Variants in BRD4 observed in about 807,000 individuals in gnomAD.
The protein encoded by BRD4 is bromodomain containing 4.
Under a neutral mutation model 142.1 loss-of-function variants are expected in BRD4, and 16 were observed. That is an observed-to-expected ratio of 0.11 (90% CI 0.08 to 0.17). BRD4 has a LOEUF of 0.17. Among genes scored for constraint, BRD4 ranks in the 10% least tolerant of loss-of-function variants. BRD4 has a pLI of 1.00. For synonymous variants in BRD4, 833 were observed against 707.5 expected (o/e 1.18, Z -2.82); for missense variants, 1,424 against 1,810.9 (o/e 0.79, Z 3.88).
intron 1 of BRD4, among the ~76,000 whole-genome samples, chr19:15,276,927 C>A (rs915526742): frequency 6.6e-6 from 1 of 152,072 alleles, no homozygotes; most frequent in South Asian, 2.1e-4. Flanking sequence ...GAGGGACAGG[C>A]GGCATCTCTG....
intron 11 of BRD4, 157 bp from the exon 12 acceptor site, chr19:15,244,919 C>T (rs915781331): frequency 1.1e-5 from 15 of 1,315,866 alleles, no homozygotes; most frequent in East Asian, 2.5e-5. Context: ...TTGGTCATCA[C>T]GGGAGAGGGA....
intron 4 of BRD4, among the ~76,000 whole-genome samples, chr19:15,266,995 T>G (rs191073184): frequency 6.6e-6 from 1 of 152,200 alleles, no homozygotes; most frequent in Non-Finnish European, 1.5e-5. Flanking sequence ...CTGACACCAG[T>G]GCATTAAGGT....
At chr19:15,258,319 T>C (rs1025334880) in intron 7 of BRD4, among the ~76,000 whole-genome samples, 38 of 152,188 alleles carry the variant, frequency 2.5e-4, no homozygotes, top group Non-Finnish European at 5.3e-4. Flanking sequence ...GTATGACTTC[T>C]TTTAGCCAAT....
At chr19:15,265,167 G>A (rs2047518455) in intron 5 of BRD4, among the ~76,000 whole-genome samples, 187 bp downstream of exon 5, 1 of 152,234 alleles carries the variant, frequency 6.6e-6, no homozygotes, top group Non-Finnish European at 1.5e-5. Context: ...TAGGAGGTGT[G>A]ACACAATTAT....
intron 1 of BRD4, among the ~76,000 whole-genome samples, chr19:15,285,476 G>A (rs1287733830): frequency 6.6e-6 from 1 of 152,032 alleles, no homozygotes; most frequent in African/African-American, 2.4e-5. Context: ...AAGGAGGGAG[G>A]ATCGCTTGAG....
chr19:15,318,093 G>T (rs2048031474), intron 1 of BRD4, among the ~76,000 whole-genome samples: 1 of 152,112 alleles, frequency 6.6e-6, no homozygotes, highest in Admixed American at 6.6e-5. Context: ...ACTCTTTCAC[G>T]CACATGATCT....
At chr19:15,314,739 G>A (rs1001760220) in intron 1 of BRD4, among the ~76,000 whole-genome samples, 1 of 152,176 alleles carries the variant, frequency 6.6e-6, no homozygotes, top group Non-Finnish European at 1.5e-5. Flanking sequence ...CCCCTTCAAA[G>A]GCCCACTTAC....
At chr19:15,313,434 A>T (rs908676237) in intron 1 of BRD4, among the ~76,000 whole-genome samples, 1 of 146,616 alleles carries the variant, frequency 6.8e-6, no homozygotes, top group Admixed American at 6.9e-5. Flanking sequence ...GCACTTTGGG[A>T]GGCCGAGGCG....
rs201603972 is a variant in BRD4, at chr19:15,255,550, C to T, written c.1794G>A (p.Thr598=). Residue 598 remains threonine, a synonymous_variant, in exon 10 of 20, where the codon ACG becomes ACA. Transcript: ENST00000679869. ...ACTTGTCCTCTTCCTCCGACTCATACGTGGGAGGGGGCTTGCTCTTCATGG... is the reference window on the plus strand; with the variant it reads ...ACTTGTCCTCTTCCTCCGACTCATATGTGGGAGGGGGCTTGCTCTTCATGG... ...PAPMKSKPPP[T]YESEEEDKCK... 1.4e-5 allele frequency: 22 copies of T among 1,611,146 alleles called. No homozygotes were observed. Among genetic ancestry groups the T allele is most frequent in the Middle Eastern group, 1.6e-4 (1 of 6,070 alleles).
At chr19:15,276,628 C>A (rs1366115800) in intron 1 of BRD4, among the ~76,000 whole-genome samples, 1 of 152,148 alleles carries the variant, frequency 6.6e-6, no homozygotes. Flanking sequence ...CTTCCCAGCA[C>A]ACAGGAGGTG....
In BRD4 at chr19:15,254,202, G is replaced by C. The variant is rs1453756538; in HGVS notation, c.2108C>G (p.Ser703Trp). The change falls in exon 11 of 20, where the codon TCG (serine) becomes TGG (tryptophan). Residue 703 changes from serine (S) to tryptophan (W), a missense_variant. Coordinates refer to ENST00000679869, the MANE Select transcript of BRD4 (RefSeq NM_001379291.1). The stretch of plus-strand genomic sequence containing the variant: ...GGAGCTGGACTCACTGGAGCTCTCC[G>C]ACTCTGAGGACGAGAAGCCCTTCAT... ...SKMKGFSSSE[S>W]ESSSESSSSD... 6.2e-7 allele frequency: 1 copy of C among 1,614,104 alleles called. No homozygotes were observed. The highest frequency in any genetic ancestry group is 8.5e-7 in the Non-Finnish European group (1 of 1,180,042).
intron 1 of BRD4, among the ~76,000 whole-genome samples, chr19:15,324,920 C>A (rs2048094314): frequency 6.6e-6 from 1 of 152,152 alleles, no homozygotes; most frequent in South Asian, 2.1e-4. Flanking sequence ...GCACCTCTTC[C>A]ACTGGTCTCC....
At chr19:15,322,365 G>C (rs532146961) in intron 1 of BRD4, among the ~76,000 whole-genome samples, 8 of 151,784 alleles carry the variant, frequency 5.3e-5, no homozygotes, top group Non-Finnish European at 8.8e-5. Context: ...TCCGCCTCCC[G>C]GGTTCACGCC....
chr19:15,280,360 G>C, intron 1 of BRD4: 2 of 1,015,904 alleles, frequency 2.0e-6, no homozygotes, highest in Non-Finnish European at 2.4e-6. Flanking sequence ...GTACCCATCA[G>C]TGGCCTGCCT....
At chr19:15,304,547 GCAGCCAAACC>G (rs1229343955) in intron 1 of BRD4, among the ~76,000 whole-genome samples, 1 of 152,204 alleles carries the variant, frequency 6.6e-6, no homozygotes, top group Non-Finnish European at 1.5e-5. Context: ...GATGTGCTGA[GCAGCCAAACC>G]CAGCCTGGCC....
At chr19:15,302,774 G>A (rs2047881344) in intron 1 of BRD4, among the ~76,000 whole-genome samples, 1 of 151,768 alleles carries the variant, frequency 6.6e-6, no homozygotes, top group African/African-American at 2.4e-5. Context: ...GGGAGGCCGA[G>A]GCGGGCGCAT....
At chr19:15,293,887 G>A (rs1397760298) in intron 1 of BRD4, among the ~76,000 whole-genome samples, 5 of 152,172 alleles carry the variant, frequency 3.3e-5, no homozygotes, top group Non-Finnish European at 5.9e-5. Context: ...CATGTAAGTT[G>A]AATCACAATA....
chr19:15,273,961 T>G (rs916960394), intron 1 of BRD4, among the ~76,000 whole-genome samples: 13 of 152,192 alleles, frequency 8.5e-5, no homozygotes, highest in Non-Finnish European at 1.9e-4. Context: ...TTACTTTGTG[T>G]AATTTATTTA....
chr19:15,319,027 A>C (rs1405671920), intron 1 of BRD4, among the ~76,000 whole-genome samples: 2 of 152,228 alleles, frequency 1.3e-5, no homozygotes, highest in African/African-American at 4.8e-5. Context: ...AAATGTCTAG[A>C]AAAGTAAGAT....
Sources: gnomAD v4.1 joint callset for allele counts (sites outside exome capture counted in the v4.1 genomes callset) on GRCh38, gnomAD v4.1.1 for gene constraint, MANE v1.5 for transcripts, NCBI Gene and HGNC (gene_info 2026-07-23, HGNC 2026-07-21) for gene names.